The following AASDH variants were observed in gnomAD, a reference collection of about 807,000 sequenced individuals.
The protein encoded by AASDH is aminoadipate-semialdehyde dehydrogenase, also known as beta-alanine-activating enzyme.
AASDH carries 81 observed loss-of-function variants against 102.3 expected under a neutral mutation model. The ratio of observed to expected loss-of-function variants is 0.79; its 90% CI spans 0.66 to 0.95. The LOEUF is 0.95. Among genes scored for constraint, AASDH ranks in the 40% least tolerant of loss-of-function variants. AASDH has a pLI of 0.00. For synonymous variants in AASDH, 398 were observed against 454.0 expected (o/e 0.88, Z 1.57); for missense variants, 1,203 against 1,266.2 (o/e 0.95, Z 0.76).
rs1204642458 is a variant in AASDH at position 56,384,136 on chromosome 4, A to C, written c.164T>G (p.Phe55Cys). ...GAGACCAATTTCCCGAATTCCTTGA[A>C]AGTCACAGTGTAACAGCAGAAAATT... is the stretch of plus-strand genomic sequence containing the variant. ...LSNFLLLHCDFQGIREIGLYC... is the reference protein window; with the variant it reads ...LSNFLLLHCDCQGIREIGLYC... Residue 55 changes from phenylalanine to cysteine, a missense_variant, in exon 2 of 15, where the codon TTT becomes TGT. Phe to Cys is a radical substitution (Grantham distance 205, BLOSUM62 -2). Coordinates refer to ENST00000205214, the MANE Select transcript of AASDH (RefSeq NM_181806.4). 1 of 1,614,078 alleles carries C rather than the reference A, an allele frequency of 6.2e-7. No homozygotes were observed. Among genetic ancestry groups the C allele is most frequent in the Non-Finnish European group, 8.5e-7 (1 of 1,180,040 alleles).
rs779835960 is a variant in AASDH, at chr4:56,378,137, C to G, written c.668+11G>C. The G allele has an allele frequency of 5.0e-6, 8 of 1,590,220 alleles. No individual in the cohort carries two copies. The highest frequency in any genetic ancestry group is 6.8e-6 in the Non-Finnish European group (8 of 1,168,620). On this transcript the variant is annotated intron_variant, in intron 4 of 14. Transcript: ENST00000205214. ...ATAGATTCTGAGAAAGAGTCAAAGA[C>G]TAGAACTTACCGAAAATGCTGGATA...
rs765045919 is a variant in AASDH, at chr4:56,378,402, G to T, written c.414C>A (p.Asp138Glu). The change falls in exon 4 of 15, where the codon GAC (aspartate) becomes GAA (glutamate). Residue 138 changes from aspartate (D) to glutamate (E), a missense_variant. Coordinates refer to ENST00000205214, the MANE Select transcript of AASDH (RefSeq NM_181806.4). ...NYDTFTVEHNDLVLFRLHWKN... is the reference protein window; with the variant it reads ...NYDTFTVEHNELVLFRLHWKN... ...TCCAGTGAAGTCTGAAGAGCACTAG[G>T]TCATTATGTTCCACTGTAAATGTAT... 36 of 1,613,188 alleles carry T rather than the reference G, an allele frequency of 2.2e-5. No homozygotes were observed. The Admixed American group carries it at 6.0e-4, about 27-fold the overall frequency.
chr4:56,347,922 G>A (rs1577968172), intron 11 of AASDH, among the ~76,000 whole-genome samples: 1 of 152,120 alleles, frequency 6.6e-6, no homozygotes, highest in South Asian at 2.1e-4. Flanking sequence ...GGACACCGAG[G>A]CAGGTGGATC....
Position 56,349,299 on chromosome 4 carries a change from C to G in AASDH, c.2452G>C (p.Ala818Pro). ...QILGDRIESS[A>P]CVSKCGNFIV... ...AAGTTTCCACACTTAGATACACATGCTGAGGATTCAATTCGATCTCCCAAA... is the reference window on the plus strand; with the variant it reads ...AAGTTTCCACACTTAGATACACATGGTGAGGATTCAATTCGATCTCCCAAA... Residue 818 changes from alanine to proline, a missense_variant, in exon 11 of 15, where the codon GCA becomes CCA. Transcript: ENST00000205214. 6.2e-7 allele frequency: 1 copy of G among 1,614,196 alleles called. No individual in the cohort carries two copies. The highest frequency in any genetic ancestry group is 8.5e-7 in the Non-Finnish European group (1 of 1,180,042).
intron 5 of AASDH, among the ~76,000 whole-genome samples, chr4:56,358,503 T>C (rs1253973031): frequency 6.6e-6 from 1 of 150,616 alleles, no homozygotes; most frequent in Non-Finnish European, 1.5e-5. Flanking sequence ...CCCTTCTTCA[T>C]ATTGGGAAAG....
At chr4:56,342,811 A>C in intron 14 of AASDH, 24 bp downstream of exon 14, 1 of 1,137,182 alleles carries the variant, frequency 8.8e-7, no homozygotes, top group Non-Finnish European at 1.1e-6. Context: ...AAATGTATAT[A>C]TAAAAAATTT....
At position 56,338,537 on chromosome 4, in the gene AASDH, A is replaced by G. The variant is rs1007532729; in HGVS notation, c.3162T>C (p.Ser1054=). The G allele has an allele frequency of 6.2e-7, 1 of 1,610,524 alleles. No individual in the cohort carries two copies. Among genetic ancestry groups the G allele is most frequent in the Non-Finnish European group, 8.5e-7 (1 of 1,178,696 alleles). Residue 1054 remains serine, a synonymous_variant, in exon 15 of 15, where the codon AGT becomes AGC. Transcript: ENST00000205214. ...DGKVWILESQ[S]GQLQSVYELP... ...GTTCATAAACACTTTGCAATTGTCCACTCTGAGATTCCAAGATCCACACTT... is the reference window on the plus strand; with the variant it reads ...GTTCATAAACACTTTGCAATTGTCCGCTCTGAGATTCCAAGATCCACACTT...
intron 12 of AASDH, among the ~76,000 whole-genome samples, chr4:56,344,595 TA>T (rs1748104034): frequency 6.6e-6 from 1 of 152,192 alleles, no homozygotes; most frequent in South Asian, 2.1e-4. Flanking sequence ...CTTAATTTCA[TA>T]ATTCTTACAT....
intron 14 of AASDH, among the ~76,000 whole-genome samples, chr4:56,341,352 C>A (rs942684248): frequency 6.7e-6 from 1 of 148,410 alleles, no homozygotes; most frequent in East Asian, 2.0e-4. Flanking sequence ...GAAATCATGT[C>A]ATTTGCAGCA....
In AASDH at chr4:56,338,581, C is replaced by T; in HGVS notation, c.3118G>A (p.Ala1040Thr). ...CACACTTTCCCATCAGTAGATGCTG[C>T]TGCCAGCAACATTTCATTGCTGCCA... ...YNGSNEMLLA[A>T]ASTDGKVWIL... is the part of the protein sequence containing the mutation. Residue 1040 changes from alanine to threonine, a missense_variant, in exon 15 of 15, where the codon GCA becomes ACA. Ala to Thr is a moderately conservative substitution (Grantham distance 58). Coordinates refer to ENST00000205214, the MANE Select transcript of AASDH (RefSeq NM_181806.4). The T allele has an allele frequency of 1.2e-6, 2 of 1,614,212 alleles. No homozygotes were observed. The highest frequency in any genetic ancestry group is 1.3e-5 in the African/African-American group (1 of 75,064).
chr4:56,350,410 C>T (rs912599267), intron 10 of AASDH, among the ~76,000 whole-genome samples: 8 of 151,928 alleles, frequency 5.3e-5, no homozygotes, highest in African/African-American at 7.3e-5. Flanking sequence ...GCCAAGATTG[C>T]GCCACTGCAC....
Position 56,350,009 on chromosome 4 carries a change from A to C in AASDH, c.1742T>G (p.Leu581Arg), listed in dbSNP as rs780481855. 1.6e-5 allele frequency: 26 copies of C among 1,608,740 alleles called. No individual in the cohort carries two copies. The highest frequency in any genetic ancestry group is 2.0e-5 in the Non-Finnish European group (24 of 1,179,682). ...GGAATCTCCACCACTATTTAAGAAG[A>C]GTGACTCATCAGGAACCCTCAAAAG... is the stretch of plus-strand genomic sequence containing the variant. Reference protein sequence around the residue: ...EDLLRVPDESLFLNSGGDSLK... With the variant: ...EDLLRVPDESRFLNSGGDSLK... The change falls in exon 11 of 15, where the codon CTC becomes CGC. Residue 581 changes from leucine to arginine, a missense_variant. Transcript: ENST00000205214.
At chr4:56,343,968 A>G (rs1748028415) in intron 12 of AASDH, among the ~76,000 whole-genome samples, 1 of 152,160 alleles carries the variant, frequency 6.6e-6, no homozygotes, top group Non-Finnish European at 1.5e-5. Flanking sequence ...CACACGATCT[A>G]ATATAGCTGA....
intron 4 of AASDH, among the ~76,000 whole-genome samples, chr4:56,374,256 A>C (rs1198630484): frequency 6.7e-6 from 1 of 149,924 alleles, no homozygotes; most frequent in East Asian, 2.0e-4. Context: ...GCGTGCACCT[A>C]TAGTGGGAGG....
chr4:56,355,996 A>C (rs1749589306), intron 5 of AASDH: 4 of 458,716 alleles, frequency 8.7e-6, no homozygotes, highest in Admixed American at 7.6e-5. Flanking sequence ...ATTTCATCAT[A>C]CTGATTACAC....
rs566728548 is a variant in AASDH, at chr4:56,355,373, A to G, written c.912T>C (p.Thr304=). The change falls in exon 6 of 15, where the codon ACT becomes ACC. Residue 304 remains threonine, a synonymous_variant. Transcript: ENST00000205214. Reference sequence around the variant, plus strand: ...GAAGAGAAGTAGTGGCTGACAAAACAGTTGACTTGATAAGCTGAGATCCAA... The same window carrying G: ...GAAGAGAAGTAGTGGCTGACAAAACGGTTGACTTGATAAGCTGAGATCCAA... The part of the protein sequence containing the change: ...RRFGSQLIKS[T]VLSATTSLRV... 1 of 1,614,122 alleles carries G rather than the reference A, an allele frequency of 6.2e-7. No homozygotes were observed. The highest frequency in any genetic ancestry group is 1.3e-5 in the African/African-American group (1 of 75,070).
chr4:56,378,986 C>T (rs1752676608), intron 3 of AASDH, among the ~76,000 whole-genome samples: 1 of 152,100 alleles, frequency 6.6e-6, no homozygotes, highest in Admixed American at 6.5e-5. Context: ...CAGGTTCACA[C>T]CATTCTCCTG....
At chr4:56,352,275 G>A (rs1749106609) in intron 9 of AASDH, among the ~76,000 whole-genome samples, 2 of 152,172 alleles carry the variant, frequency 1.3e-5, no homozygotes, top group African/African-American at 4.8e-5. Flanking sequence ...CTGTGAGGGT[G>A]CTTCTGGATG....
chr4:56,355,593 G>GTTTTTTTTTTTTTTTTTTTTTTTTTTT (rs149149581), intron 5 of AASDH, among the ~76,000 whole-genome samples, 170 bp from the exon 6 acceptor site: 4 of 91,916 alleles, frequency 4.4e-5, no homozygotes, highest in Non-Finnish European at 6.1e-5. Flanking sequence ...TTATCTTCTT[G>GTTTTTTTTTTTTTTTTTTTTTTTTTTT]TTTTTTTTTT....
Sources: allele counts gnomAD v4.1 joint callset (sites outside exome capture counted in the v4.1 genomes callset), GRCh38; gene constraint gnomAD v4.1.1; transcripts MANE v1.5; gene names NCBI Gene and HGNC (gene_info 2026-07-23, HGNC 2026-07-21).